The following AUTS2 variants were observed in gnomAD, a reference collection of about 807,000 sequenced individuals.
AUTS2 encodes activator of transcription and developmental regulator AUTS2.
AUTS2 carries 17 observed loss-of-function variants against 112.4 expected under a neutral mutation model. The observed-to-expected ratio is 0.15, with a 90% CI of 0.10 to 0.23. The LOEUF (loss-of-function observed/expected upper bound fraction) is 0.23, where lower values mean the gene tolerates loss of function less well. Ranked by LOEUF, AUTS2 falls within the 10% of genes least tolerant of loss-of-function variation. The probability of loss-of-function intolerance (pLI) is 1.00; values close to 1 mark genes in which losing one functional copy is unlikely to be tolerated. For synonymous variants in AUTS2, 751 were observed against 702.7 expected, an observed-to-expected ratio of 1.07 and a Z score of -1.09; for missense variants, 1,510 against 1,701.6, an observed-to-expected ratio of 0.89 and a Z score of 1.98.
intron 1 of AUTS2, among the ~76,000 whole-genome samples, chr7:69,775,724 TC>T (rs1333438287): frequency 6.6e-6 from 1 of 152,122 alleles, no homozygotes; most frequent in Non-Finnish European, 1.5e-5. Context: ...GGGAAGGCTG[TC>T]TGTGTTTCCC....
intron 5 of AUTS2, among the ~76,000 whole-genome samples, chr7:70,461,105 C>T (rs1210900694): frequency 6.6e-6 from 1 of 152,078 alleles, no homozygotes; most frequent in Non-Finnish European, 1.5e-5. Flanking sequence ...CACGGAGGAA[C>T]AGGATGATGA....
intron 1 of AUTS2, among the ~76,000 whole-genome samples, chr7:69,806,910 C>T (rs796258133): frequency 1.2e-4 from 18 of 152,230 alleles, no homozygotes; most frequent in African/African-American, 2.4e-4. Context: ...GATTTGGTCG[C>T]GGGAAAAGAG....
At chr7:69,883,437 G>C (rs1254886842) in intron 1 of AUTS2, among the ~76,000 whole-genome samples, 1 of 152,160 alleles carries the variant, frequency 6.6e-6, no homozygotes, top group Non-Finnish European at 1.5e-5. Context: ...GTATGCTGAT[G>C]AGGGAATGAT....
intron 1 of AUTS2, 30 bp from the exon 2 acceptor site, chr7:69,899,256 A>C (rs1427816193): frequency 6.4e-7 from 1 of 1,558,510 alleles, no homozygotes; most frequent in Non-Finnish European, 8.9e-7. Flanking sequence ...TGTAACCACC[A>C]CTTCCCTTTC....
intron 4 of AUTS2, among the ~76,000 whole-genome samples, chr7:70,175,512 T>G (rs1161697597): frequency 6.6e-6 from 1 of 152,204 alleles, no homozygotes; most frequent in Non-Finnish European, 1.5e-5. Context: ...CAGCTTCCCA[T>G]GCTACAGAGA....
chr7:70,418,675 C>T (rs974355690), intron 4 of AUTS2, among the ~76,000 whole-genome samples: 1 of 152,168 alleles, frequency 6.6e-6, no homozygotes, highest in African/African-American at 2.4e-5. Context: ...CTCCAGAACT[C>T]CATCACACGG....
At chr7:70,318,051 C>A (rs181056501) in intron 4 of AUTS2, among the ~76,000 whole-genome samples, 1 of 152,072 alleles carries the variant, frequency 6.6e-6, no homozygotes, top group African/African-American at 2.4e-5. Context: ...TTATTCACTG[C>A]GGCGTTTTTA....
intron 4 of AUTS2, among the ~76,000 whole-genome samples, chr7:70,289,410 A>G (rs1212583275): frequency 6.6e-6 from 1 of 152,208 alleles, no homozygotes; most frequent in Non-Finnish European, 1.5e-5. Context: ...CTCACCATTC[A>G]ATAGGTGTCT....
chr7:70,764,558 C>T (rs1038247041), intron 7 of AUTS2, among the ~76,000 whole-genome samples, 194 bp from the exon 8 acceptor site: 10 of 151,894 alleles, frequency 6.6e-5, no homozygotes, highest in Admixed American at 6.6e-4. Flanking sequence ...TTTGCTCTGT[C>T]TGCAGTAGCG....
At chr7:70,473,576 G>T (rs1305091239) in intron 5 of AUTS2, among the ~76,000 whole-genome samples, 1 of 152,136 alleles carries the variant, frequency 6.6e-6, no homozygotes, top group African/African-American at 2.4e-5. Context: ...CAGGCCTCTC[G>T]TATCCTGTGG....
chr7:70,751,868 G>A (rs769999106), intron 6 of AUTS2, among the ~76,000 whole-genome samples: 7 of 151,740 alleles, frequency 4.6e-5, no homozygotes, highest in Non-Finnish European at 8.8e-5. Context: ...TTGCAGGCGC[G>A]TGACACCACA....
At chr7:70,325,731 A>G (rs1790457557) in intron 4 of AUTS2, among the ~76,000 whole-genome samples, 1 of 152,226 alleles carries the variant, frequency 6.6e-6, no homozygotes, top group African/African-American at 2.4e-5. Context: ...GGGAATTGCT[A>G]TCTGACCTTG....
At chr7:70,264,891 G>GA (rs1787343068) in intron 4 of AUTS2, among the ~76,000 whole-genome samples, 2 of 152,156 alleles carry the variant, frequency 1.3e-5, no homozygotes. Flanking sequence ...TAGACACTTA[G>GA]ACCCTCTCTT....
chr7:70,776,829 C>T (rs983460561), intron 13 of AUTS2: 1 of 480,500 alleles, frequency 2.1e-6, no homozygotes, highest in Admixed American at 3.5e-5. Context: ...GGGATTCAGG[C>T]TTTTGCCGTC....
chr7:70,324,711 T>G (rs1370397859), intron 4 of AUTS2, among the ~76,000 whole-genome samples: 1 of 152,204 alleles, frequency 6.6e-6, no homozygotes, highest in Admixed American at 6.5e-5. Flanking sequence ...TCTAAGAAAG[T>G]AAGTCATACT....
intron 5 of AUTS2, among the ~76,000 whole-genome samples, chr7:70,453,947 C>T (rs1796631088): frequency 6.6e-6 from 1 of 152,164 alleles, no homozygotes; most frequent in Non-Finnish European, 1.5e-5. Flanking sequence ...TCCTGTATGT[C>T]CCCTTGGCTA....
At chr7:70,334,520 C>A (rs1225172245) in intron 4 of AUTS2, among the ~76,000 whole-genome samples, 1 of 152,132 alleles carries the variant, frequency 6.6e-6, no homozygotes, top group African/African-American at 2.4e-5. Context: ...GAATGCAGTA[C>A]AGGCAAGGGC....
At chr7:70,748,807 G>T (rs1212056968) in intron 6 of AUTS2, among the ~76,000 whole-genome samples, 1 of 152,160 alleles carries the variant, frequency 6.6e-6, no homozygotes, top group Non-Finnish European at 1.5e-5. Context: ...AAGGCAGTTT[G>T]TTCTCCTGTG....
At chr7:70,685,587 G>A (rs886689023) in intron 5 of AUTS2, among the ~76,000 whole-genome samples, 1 of 151,918 alleles carries the variant, frequency 6.6e-6, no homozygotes, top group African/African-American at 2.4e-5. Flanking sequence ...TTGTTGAATG[G>A]TAAACATGGT....
Sources: allele counts gnomAD v4.1 joint callset (sites outside exome capture counted in the v4.1 genomes callset), GRCh38; gene constraint gnomAD v4.1.1; transcripts MANE v1.5; gene names NCBI Gene and HGNC (gene_info 2026-07-23, HGNC 2026-07-21).